Variants in PAM observed in about 807,000 individuals in gnomAD.
PAM encodes the protein peptidylglycine alpha-amidating monooxygenase.
PAM carries 72 observed loss-of-function variants against 122.1 expected under a neutral mutation model. The ratio of observed to expected loss-of-function variants is 0.59; its 90% CI spans 0.49 to 0.72. The LOEUF is 0.72. PAM is among the 30% of genes least tolerant of loss of function. The pLI, the probability that PAM is intolerant of heterozygous loss-of-function variation, is 0.00. For missense variants in PAM, 1,106 were observed against 1,183.7 expected (o/e 0.93, Z 0.96); for synonymous variants, 389 against 404.4 (o/e 0.96, Z 0.46).
chr5:102,898,958 C>A (rs936803762), intron 3 of PAM, among the ~76,000 whole-genome samples: 1 of 151,478 alleles, frequency 6.6e-6, no homozygotes, highest in Non-Finnish European at 1.5e-5. Flanking sequence ...TAATACCTAC[C>A]GAATAGTGTT....
At chr5:103,020,112 A>G (rs930576543) in intron 23 of PAM, among the ~76,000 whole-genome samples, 1 of 152,184 alleles carries the variant, frequency 6.6e-6, no homozygotes, top group Admixed American at 6.5e-5. Flanking sequence ...CTAGTGAGCC[A>G]GAGATATTCC....
intron 3 of PAM, among the ~76,000 whole-genome samples, chr5:102,872,881 A>G (rs950690121): frequency 6.6e-6 from 1 of 152,172 alleles, no homozygotes. Context: ...AGTCAGTGCT[A>G]AAAACTCAGA....
intron 1 of PAM, among the ~76,000 whole-genome samples, chr5:102,836,082 G>T (rs114314970): frequency 6.6e-6 from 1 of 152,106 alleles, no homozygotes; most frequent in African/African-American, 2.4e-5. Context: ...ATGCAAAAAA[G>T]GCAGATTAAT....
intron 1 of PAM, among the ~76,000 whole-genome samples, chr5:102,777,563 G>A (rs558828939): frequency 6.6e-6 from 1 of 152,236 alleles, no homozygotes; most frequent in South Asian, 2.1e-4. Flanking sequence ...GTCTGAGAGA[G>A]GGATTCTACT....
chr5:102,872,368 T>G (rs763063877), intron 3 of PAM, among the ~76,000 whole-genome samples: 5 of 152,212 alleles, frequency 3.3e-5, no homozygotes, highest in Non-Finnish European at 7.3e-5. Context: ...TGAAAGAATG[T>G]TGTCGTTGAA....
chr5:102,809,015 A>G (rs1767052878), intron 1 of PAM, among the ~76,000 whole-genome samples: 1 of 152,168 alleles, frequency 6.6e-6, no homozygotes, highest in African/African-American at 2.4e-5. Context: ...ATACGTGAAT[A>G]TTTTCCTTGA....
chr5:102,996,250 T>A (rs1335669257), intron 16 of PAM, among the ~76,000 whole-genome samples: 1 of 152,200 alleles, frequency 6.6e-6, no homozygotes, highest in African/African-American at 2.4e-5. Context: ...ACTGAGTGCT[T>A]TTCCAGAGAA....
At chr5:102,891,462 A>G (rs1415968858) in intron 3 of PAM, among the ~76,000 whole-genome samples, 1 of 151,902 alleles carries the variant, frequency 6.6e-6, no homozygotes, top group East Asian at 1.9e-4. Flanking sequence ...AGGGAAATGA[A>G]TAGGTCACAG....
chr5:103,028,270 T>C (rs764772134), intron 25 of PAM, 32 bp downstream of exon 25: 7 of 1,487,690 alleles, frequency 4.7e-6, no homozygotes, highest in East Asian at 2.3e-5. Context: ...ACCCTTCATG[T>C]TTGGTTCAAA....
intron 1 of PAM, among the ~76,000 whole-genome samples, chr5:102,786,531 G>T (rs930865983): frequency 2.6e-5 from 4 of 152,044 alleles, no homozygotes; most frequent in African/African-American, 9.7e-5. Context: ...ATGAACTGCT[G>T]AACATCAAAG....
chr5:103,005,377 C>A, intron 18 of PAM, 151 bp downstream of exon 18: 1 of 628,374 alleles, frequency 1.6e-6, no homozygotes. Context: ...TGTCTTAGTT[C>A]AGCATGTTAT....
chr5:102,840,076 A>C (rs1778184066), intron 1 of PAM, among the ~76,000 whole-genome samples: 1 of 152,210 alleles, frequency 6.6e-6, no homozygotes. Context: ...ATACCTAATT[A>C]AAATTAATAT....
At chr5:102,878,893 G>A (rs1790059278) in intron 3 of PAM, among the ~76,000 whole-genome samples, 1 of 151,764 alleles carries the variant, frequency 6.6e-6, no homozygotes, top group Admixed American at 6.6e-5. Context: ...GTAAGCTAAG[G>A]TTGATTTATT....
chr5:102,853,433 T>C (rs1334481364), intron 1 of PAM, among the ~76,000 whole-genome samples: 1 of 152,222 alleles, frequency 6.6e-6, no homozygotes, highest in African/African-American at 2.4e-5. Flanking sequence ...CGTCTGAAGA[T>C]GTTCTAGTAC....
intron 7 of PAM, among the ~76,000 whole-genome samples, chr5:102,931,628 G>T (rs1751534753): frequency 6.6e-6 from 1 of 152,120 alleles, no homozygotes; most frequent in Non-Finnish European, 1.5e-5. Context: ...AAGATCCTGT[G>T]AACTCACCTA....
chr5:102,858,930 A>G (rs968210813), intron 1 of PAM, among the ~76,000 whole-genome samples: 1 of 152,194 alleles, frequency 6.6e-6, no homozygotes, highest in East Asian at 1.9e-4. Context: ...AACAATTCCT[A>G]TCACCTAGTA....
intron 4 of PAM, among the ~76,000 whole-genome samples, chr5:102,910,044 T>A (rs1800906568): frequency 6.6e-6 from 1 of 151,892 alleles, no homozygotes; most frequent in South Asian, 2.1e-4. Context: ...ATTGCTGGTT[T>A]CTCTACTTGG....
intron 3 of PAM, among the ~76,000 whole-genome samples, chr5:102,876,192 C>G (rs549939900): frequency 1.3e-5 from 2 of 152,126 alleles, no homozygotes; most frequent in Non-Finnish European, 2.9e-5. Context: ...CTAGTAAATT[C>G]TTTTCATCCT....
At chr5:102,818,024 C>CAA (rs753744226) in intron 1 of PAM, among the ~76,000 whole-genome samples, 2,617 of 54,550 alleles carry the variant, frequency 0.048, 53 homozygotes, top group East Asian at 0.16. Flanking sequence ...TTTTTTTTCT[C>CAA]AAAAAAAAAA....
Sources: allele counts gnomAD v4.1 joint callset (sites outside exome capture counted in the v4.1 genomes callset), GRCh38; gene constraint gnomAD v4.1.1; transcripts MANE v1.5; gene names NCBI Gene and HGNC (gene_info 2026-07-23, HGNC 2026-07-21).